Variants in DICER1 observed in about 807,000 individuals in gnomAD.
The protein encoded by DICER1 is dicer 1, ribonuclease III.
In DICER1, 43 loss-of-function variants were observed where a neutral mutation model predicts 194.1. The observed-to-expected ratio is 0.22, with a 90% CI of 0.17 to 0.29. The LOEUF (loss-of-function observed/expected upper bound fraction) is 0.29, where lower values mean the gene tolerates loss of function less well. Among genes scored for constraint, DICER1 ranks in the 10% least tolerant of loss-of-function variants. DICER1 has a pLI of 1.00. For missense variants in DICER1, 1,608 were observed against 2,317.0 expected, an observed-to-expected ratio of 0.69 and a Z score of 6.28; for synonymous variants, 832 against 820.5, an observed-to-expected ratio of 1.01 and a Z score of -0.24.
intron 1 of DICER1, among the ~76,000 whole-genome samples, chr14:95,151,473 C>T (rs1895507093): frequency 6.6e-6 from 1 of 152,082 alleles, no homozygotes; most frequent in Non-Finnish European, 1.5e-5. Flanking sequence ...TAGTTATGTA[C>T]CATGAGAGTT....
Position 95,090,369 on chromosome 14 carries a change from A to G in DICER1, c.*129T>C. 1 of 1,046,314 alleles carries G rather than the reference A, an allele frequency of 9.6e-7. No individual in the cohort carries two copies. The highest frequency in any genetic ancestry group is 1.5e-6 in the Non-Finnish European group (1 of 689,000). 64.8% of individuals were successfully genotyped at this position (1,046,314 alleles called of 1,614,324 possible). On this transcript the variant is annotated 3_prime_UTR_variant, in exon 27 of 27. Transcript: ENST00000343455. Reference sequence around the variant, plus strand: ...TATTCTGTTATCTATCCTGTTATCAACCAAACTTTAAATTCTGCCTTCAAT... The same window carrying G: ...TATTCTGTTATCTATCCTGTTATCAGCCAAACTTTAAATTCTGCCTTCAAT...
At chr14:95,107,375 C>T (rs1288209205) in intron 17 of DICER1, among the ~76,000 whole-genome samples, 2 of 151,914 alleles carry the variant, frequency 1.3e-5, no homozygotes, top group South Asian at 2.1e-4. Context: ...CTCAGCCTCC[C>T]GAGTAACTGG....
At chr14:95,108,765 T>C (rs1452190570) in intron 14 of DICER1, among the ~76,000 whole-genome samples, 1 of 152,166 alleles carries the variant, frequency 6.6e-6, no homozygotes, top group Non-Finnish European at 1.5e-5. Flanking sequence ...AAATTATACA[T>C]AAAACAATCC....
chr14:95,103,262 A>T (rs1891053840), intron 21 of DICER1, 84 bp downstream of exon 21: 1 of 1,413,304 alleles, frequency 7.1e-7, no homozygotes, highest in African/African-American at 1.4e-5. Context: ...ATACGTTCTC[A>T]TCCTCTGAGA....
chr14:95,150,530 A>C (rs1023703472), intron 1 of DICER1, among the ~76,000 whole-genome samples: 1 of 152,228 alleles, frequency 6.6e-6, no homozygotes, highest in African/African-American at 2.4e-5. Flanking sequence ...TTTAAAATTC[A>C]GGCGAAACTC....
intron 14 of DICER1, among the ~76,000 whole-genome samples, chr14:95,108,802 C>T (rs1241209811): frequency 6.6e-6 from 1 of 152,112 alleles, no homozygotes; most frequent in Non-Finnish European, 1.5e-5. Context: ...TTTAAAAATA[C>T]TATTCATTTG....
chr14:95,111,387 T>C lies in DICER1; in HGVS notation c.2186A>G (p.His729Arg), dbSNP rs748084431. The change falls in exon 14 of 27, where the codon CAT becomes CGT. Residue 729 changes from histidine (H) to arginine (R), a missense_variant. His to Arg is a conservative substitution (Grantham distance 29, BLOSUM62 0). Coordinates refer to ENST00000343455, the MANE Select transcript of DICER1 (RefSeq NM_177438.3). ...TGGAACACTGGTCTCTTCTTCATCATGCAAATCAAGCTCCTCTTCATATTT... is the reference window on the plus strand; with the variant it reads ...TGGAACACTGGTCTCTTCTTCATCACGCAAATCAAGCTCCTCTTCATATTT... ...TVKYEEELDL[H>R]DEEETSVPGR... 17 of 1,614,200 alleles carry C rather than the reference T, an allele frequency of 1.1e-5. No homozygotes were observed. Among genetic ancestry groups the C allele is most frequent in the Non-Finnish European group, 1.4e-5 (17 of 1,180,006 alleles).
rs1288723916 is a variant in DICER1 at position 95,103,818 on chromosome 14, T to C, written c.3578A>G (p.Asn1193Ser). The change falls in exon 21 of 27, where the codon AAC becomes AGC. Residue 1193 changes from asparagine (N) to serine (S), a missense_variant. Physicochemically the swap from Asn to Ser is conservative, Grantham distance 46. Transcript: ENST00000343455. ...CTGATTTCCTTGGCAAAAGTCTCTG[T>C]TAGCTAAATCATAACTGCCATTGGC... ...NLANGSYDLA[N>S]RDFCQGNQLN... 3.1e-6 allele frequency: 5 copies of C among 1,614,088 alleles called. No homozygotes were observed. The highest frequency in any genetic ancestry group is 1.1e-5 in the South Asian group (1 of 91,088).
chr14:95,127,269 T>A (rs904260989), intron 6 of DICER1, among the ~76,000 whole-genome samples: 1 of 152,218 alleles, frequency 6.6e-6, no homozygotes, highest in African/African-American at 2.4e-5. Context: ...CATTTATAGG[T>A]CTAACTCCAA....
intron 1 of DICER1, 114 bp downstream of exon 1, chr14:95,157,116 C>G (rs994704776): frequency 1.1e-4 from 16 of 150,258 alleles, no homozygotes; most frequent in African/African-American, 3.4e-4. Flanking sequence ...CAGGCCCGGA[C>G]GCGCGGCTCG....
At chr14:95,140,707 T>C (rs1370665483) in intron 1 of DICER1, 1 of 152,238 alleles carries the variant, frequency 6.6e-6, no homozygotes, top group Non-Finnish European at 1.5e-5. Flanking sequence ...AACTGCATTT[T>C]GACATTGTGA....
intron 1 of DICER1, 128 bp downstream of exon 1, chr14:95,157,102 C>G (rs1215703994): frequency 1.3e-5 from 2 of 150,592 alleles, no homozygotes; most frequent in African/African-American, 4.8e-5. Flanking sequence ...TCGTCAGCGC[C>G]CGCCAGGCCC....
intron 8 of DICER1, among the ~76,000 whole-genome samples, chr14:95,120,632 G>A (rs920097911): frequency 5.9e-5 from 9 of 152,134 alleles, no homozygotes; most frequent in Admixed American, 2.6e-4. Flanking sequence ...AAAGGGACAC[G>A]GGTGCTAAAC....
chr14:95,129,425 T>G (rs778300887), intron 6 of DICER1, 47 bp downstream of exon 6: 12 of 1,582,594 alleles, frequency 7.6e-6, no homozygotes, highest in Non-Finnish European at 1.0e-5. Context: ...GACTTAATAT[T>G]GTTTTCAACT....
In DICER1 at chr14:95,091,662, AAT is replaced by A. The variant is rs1418924952; in HGVS notation, c.5365-299_5365-298del. On this transcript the variant is annotated intron_variant, in intron 24 of 26. Transcript: ENST00000343455. ...TAAACAACCTTAACAAAGAATTAGA[AAT>A]AGTCAATAAAAGTATGAAAAAAATT... 3.3e-5 allele frequency among the ~76,000 whole-genome samples: 5 copies of A among 152,232 alleles called. No individual in the cohort carries two copies. In the East Asian group the frequency reaches 7.7e-4, roughly 23 times the overall value.
intron 11 of DICER1, among the ~76,000 whole-genome samples, chr14:95,114,366 G>A (rs1892247329): frequency 6.6e-6 from 1 of 152,132 alleles, no homozygotes; most frequent in Non-Finnish European, 1.5e-5. Flanking sequence ...AAAACAAACA[G>A]TAAATGATAA....
At chr14:95,138,976 T>A (rs28414549) in intron 1 of DICER1, among the ~76,000 whole-genome samples, 394 of 18,526 alleles carry the variant, frequency 0.021, 2 homozygotes, top group South Asian at 0.069. Flanking sequence ...ATAAAAAAAA[T>A]AAAAATAAAT....
rs138609631 is a variant in DICER1 at position 95,110,938 on chromosome 14, A to G, written c.2256+379T>C. ...TGAGAGGGCATCTTTTCACTTGCTT[A>G]TTTTATCACACAAATCCTCTTCTGT... is the stretch of plus-strand genomic sequence containing the variant. On this transcript the variant is annotated intron_variant, in intron 14 of 26. Coordinates refer to ENST00000343455, the MANE Select transcript of DICER1 (RefSeq NM_177438.3). Among the ~76,000 whole-genome samples, 1,052 of 152,190 alleles carry G rather than the reference A, an allele frequency of 6.9e-3. 15 individuals carry two copies. Among genetic ancestry groups the G allele is most frequent in the African/African-American group, 0.024 (994 of 41,516 alleles).
intron 1 of DICER1, among the ~76,000 whole-genome samples, chr14:95,137,508 G>A (rs867047860): frequency 1.4e-5 from 2 of 146,194 alleles, no homozygotes; most frequent in Non-Finnish European, 1.5e-5. Context: ...GAAAGGGGAA[G>A]GGGAAGGAAA....
Sources: gnomAD v4.1 joint callset for allele counts (sites outside exome capture counted in the v4.1 genomes callset) on GRCh38, gnomAD v4.1.1 for gene constraint, MANE v1.5 for transcripts, NCBI Gene and HGNC (gene_info 2026-07-23, HGNC 2026-07-21) for gene names.